The following CLVS1 variants were observed in gnomAD, a reference collection of about 807,000 sequenced individuals.
CLVS1 encodes the protein clavesin-1.
In CLVS1, 10 loss-of-function variants were observed where a neutral mutation model predicts 33.1. That is an observed-to-expected ratio of 0.30 (90% confidence interval 0.19 to 0.51). CLVS1 has a LOEUF of 0.51. Ranked by LOEUF, CLVS1 falls within the 20% of genes least tolerant of loss-of-function variation. CLVS1 has a pLI of 0.97. For synonymous variants in CLVS1, 163 were observed against 166.1 expected (o/e 0.98, Z 0.14); for missense variants, 343 against 433.4 (o/e 0.79, Z 1.85).
At chr8:60,969,688 A>G in the CLVS1 span, among the ~76,000 whole-genome samples, 1 of 152,134 alleles carries the variant, frequency 6.6e-6, no homozygotes, top group South Asian at 2.1e-4. Flanking sequence ...TTATGTTGAC[A>G]TATTTTGGAT....
the CLVS1 span, among the ~76,000 whole-genome samples, chr8:61,017,130 A>C: frequency 7.2e-5 from 11 of 152,206 alleles, no homozygotes; most frequent in Admixed American, 1.3e-4. Context: ...GCACTGGGGG[A>C]GAGCCGAGCC....
At chr8:61,164,527 C>T (rs912233926) in intron 2 of CLVS1, among the ~76,000 whole-genome samples, 1 of 152,100 alleles carries the variant, frequency 6.6e-6, no homozygotes, top group African/African-American at 2.4e-5. Flanking sequence ...CCCACATATC[C>T]CCATGTGTGC....
intron 2 of CLVS1, among the ~76,000 whole-genome samples, chr8:61,134,171 C>T (rs1806149417): frequency 6.6e-6 from 1 of 152,108 alleles, no homozygotes; most frequent in African/African-American, 2.4e-5. Context: ...CAGAGAGACA[C>T]AGAGAAAGAA....
intron 5 of CLVS1, among the ~76,000 whole-genome samples, chr8:61,482,980 G>A (rs879487661): frequency 2.0e-5 from 3 of 152,170 alleles, no homozygotes; most frequent in South Asian, 2.1e-4. Context: ...ATGCCCACAA[G>A]AGAAAGCAGG....
intron 2 of CLVS1, among the ~76,000 whole-genome samples, chr8:61,255,512 G>A (rs1461120952): frequency 4.6e-5 from 7 of 152,076 alleles, no homozygotes; most frequent in East Asian, 1.9e-4. Flanking sequence ...GTGAAGGAGC[G>A]AAAATAAACC....
intron 2 of CLVS1, among the ~76,000 whole-genome samples, chr8:61,213,340 C>T (rs1160980111): frequency 3.8e-5 from 1 of 26,236 alleles, no homozygotes; most frequent in Non-Finnish European, 5.2e-5. Flanking sequence ...AGGTGATCCC[C>T]GCCTCAACCT....
At chr8:61,384,400 C>A (rs1814002168) in intron 3 of CLVS1, among the ~76,000 whole-genome samples, 1 of 152,062 alleles carries the variant, frequency 6.6e-6, no homozygotes, top group Non-Finnish European at 1.5e-5. Context: ...AAGTCAACTG[C>A]AATAATTTAC....
chr8:61,211,201 A>C (rs1450879081), intron 2 of CLVS1, among the ~76,000 whole-genome samples: 4 of 152,124 alleles, frequency 2.6e-5, no homozygotes, highest in Admixed American at 6.5e-5. Context: ...CAATGGGCTG[A>C]GGAGTGAAGG....
intron 2 of CLVS1, among the ~76,000 whole-genome samples, chr8:61,273,561 C>G (rs564901720): frequency 2.0e-5 from 3 of 152,046 alleles, no homozygotes; most frequent in East Asian, 1.9e-4. Context: ...TAATCAAGCC[C>G]GGGCAATGGC....
At chr8:61,416,284 AGC>A (rs1227383334) in intron 3 of CLVS1, among the ~76,000 whole-genome samples, 19 of 24,534 alleles carry the variant, frequency 7.7e-4, no homozygotes, top group Admixed American at 4.2e-3. Flanking sequence ...TGAACAAGAT[AGC>A]TAGCTAGCTA....
At chr8:61,029,841 G>A in the CLVS1 span, among the ~76,000 whole-genome samples, 11 of 152,154 alleles carry the variant, frequency 7.2e-5, no homozygotes, top group Non-Finnish European at 1.3e-4. Flanking sequence ...AAGGATGCAG[G>A]TCTTGGGTGG....
At chr8:61,472,887 G>T (rs1817779185) in intron 5 of CLVS1, among the ~76,000 whole-genome samples, 1 of 152,082 alleles carries the variant, frequency 6.6e-6, no homozygotes, top group South Asian at 2.1e-4. Flanking sequence ...GTCAGTGCAG[G>T]TGTTATCTGC....
rs1478241518 is a variant in CLVS1 at position 61,172,344 on chromosome 8, AG to A, written c.-152+40485del. Among the ~76,000 whole-genome samples the A allele has an allele frequency of 2.6e-5, 4 of 152,140 alleles. No homozygotes were observed. The East Asian group carries it at 7.7e-4, about 29-fold the overall frequency. On this transcript the variant is annotated intron_variant, in intron 2 of 2. Transcript: ENST00000522621. ...CCTTAGTTTGGTGTTGAATAAATTG[AG>A]TTTGAAGTGACTTTGAGACAACTTG...
chr8:60,976,627 C>T, the CLVS1 span, among the ~76,000 whole-genome samples: 2 of 152,342 alleles, frequency 1.3e-5, no homozygotes, highest in East Asian at 1.9e-4. Context: ...CAGCTAGGAA[C>T]GGTCTGAATC....
chr8:61,317,395 G>A (rs1329153493), intron 2 of CLVS1, among the ~76,000 whole-genome samples: 1 of 152,092 alleles, frequency 6.6e-6, no homozygotes, highest in Non-Finnish European at 1.5e-5. Flanking sequence ...TCAATCCTGG[G>A]CATTAGGCTA....
At position 61,299,730 on chromosome 8, in the gene CLVS1, C is replaced by T; in HGVS notation, c.-98C>T. 2 of 840,068 alleles carry T rather than the reference C, an allele frequency of 2.4e-6. No individual in the cohort carries two copies. Among genetic ancestry groups the T allele is most frequent in the Non-Finnish European group, 3.7e-6 (2 of 537,650 alleles). The allele number at this position is 840,068 out of a possible 1,614,324, so 52.0% of individuals were successfully genotyped here. On this transcript the variant is annotated 5_prime_UTR_variant, in exon 2 of 6. Coordinates refer to ENST00000325897, the MANE Select transcript of CLVS1 (RefSeq NM_173519.3). ...TTTGGATGAACACCACCACATAGGG[C>T]CTGAATGTGAAAGAAGACCCTCTAT...
chr8:61,366,650 A>ACATTTGC (rs1183621858), intron 2 of CLVS1, among the ~76,000 whole-genome samples: 1 of 152,204 alleles, frequency 6.6e-6, no homozygotes, highest in Admixed American at 6.5e-5. Flanking sequence ...TCGCTAAGAA[A>ACATTTGC]CATTTGCTGA....
At chr8:61,050,107 C>A in the CLVS1 span, among the ~76,000 whole-genome samples, 3 of 152,220 alleles carry the variant, frequency 2.0e-5, no homozygotes, top group African/African-American at 7.2e-5. Context: ...CTGATTTAAG[C>A]ACCCTTTTAC....
At chr8:61,321,287 T>C (rs948329762) in intron 2 of CLVS1, among the ~76,000 whole-genome samples, 2 of 152,128 alleles carry the variant, frequency 1.3e-5, no homozygotes, top group African/African-American at 4.8e-5. Flanking sequence ...TCAGGCTTTA[T>C]CCACAGAAGT....
Sources: gnomAD v4.1 joint callset for allele counts (sites outside exome capture counted in the v4.1 genomes callset) on GRCh38, gnomAD v4.1.1 for gene constraint, MANE v1.5 for transcripts, NCBI Gene and HGNC (gene_info 2026-07-23, HGNC 2026-07-21) for gene names.